Variants in MAK observed in about 807,000 individuals in gnomAD.
The protein encoded by MAK is serine/threonine-protein kinase MAK.
Under a neutral mutation model 82.6 loss-of-function variants are expected in MAK, and 65 were observed. The observed-to-expected ratio is 0.79, with a 90% CI of 0.64 to 0.97. The LOEUF is 0.97. Ranked by LOEUF, MAK falls within the 50% of genes least tolerant of loss-of-function variation. The pLI is 0.00. For missense variants in MAK, 703 were observed against 780.2 expected, an observed-to-expected ratio of 0.90 and a Z score of 1.18; for synonymous variants, 250 against 274.2, an observed-to-expected ratio of 0.91 and a Z score of 0.87.
At chr6:10,807,025 C>T (rs77462075) in intron 6 of MAK, among the ~76,000 whole-genome samples, 11,903 of 152,182 alleles carry the variant, frequency 0.078, 1,443 homozygotes, top group African/African-American at 0.26. Flanking sequence ...ACATTTCTCA[C>T]TACCTGCATG....
At chr6:10,830,446 G>T in intron 2 of MAK, 102 bp downstream of exon 2, 1 of 969,624 alleles carries the variant, frequency 1.0e-6, no homozygotes, top group Non-Finnish European at 1.7e-6. Flanking sequence ...TTACAGGCAT[G>T]AGCCACCGCG....
Position 10,770,161 on chromosome 6 carries a change from T to G in MAK, c.1742A>C (p.Gln581Pro). 1 of 1,614,182 alleles carries G rather than the reference T, an allele frequency of 6.2e-7. No individual in the cohort carries two copies. The highest frequency in any genetic ancestry group is 8.5e-7 in the Non-Finnish European group (1 of 1,180,014). The change falls in exon 14 of 15, where the codon CAG becomes CCG. Residue 581 changes from glutamine (Q) to proline (P), a missense_variant. Physicochemically the swap from Gln to Pro is moderately conservative, Grantham distance 76. Transcript: ENST00000354489. The stretch of plus-strand genomic sequence containing the variant: ...TAAGTGGATCCTCTGGCCAGCTGAC[T>G]GCACTTCTTTTTTGAGAAAGGAAGG... ...YIPSFLKKEV[Q>P]SAGQRIHLAP...
At chr6:10,831,248 A>T (rs1310497059) in intron 1 of MAK, among the ~76,000 whole-genome samples, 7 of 152,196 alleles carry the variant, frequency 4.6e-5, no homozygotes, top group Non-Finnish European at 8.8e-5. Context: ...ATATTGTTTA[A>T]AACTGTACTA....
chr6:10,817,704 T>A (rs1777598428), intron 4 of MAK, 146 bp downstream of exon 4: 3 of 593,778 alleles, frequency 5.1e-6, no homozygotes, highest in Admixed American at 3.5e-5. Flanking sequence ...GTGTTAAATG[T>A]TACCCTTTGA....
chr6:10,784,471 G>A lies in MAK; in HGVS notation c.1418C>T (p.Ala473Val). 1 of 1,614,166 alleles carries A rather than the reference G, an allele frequency of 6.2e-7. No individual in the cohort carries two copies. ...CAAGTAGTACTGTTTAGAGGTTGGA[G>A]CAGTTGACAATTCGGAATCAGATTT... ...SLKSDSELST[A>V]PTSKQYYLKQ... Residue 473 changes from alanine to valine, a missense_variant, in exon 11 of 15, where the codon GCT (alanine) becomes GTT (valine). By Grantham distance (64) the Ala-to-Val change is moderately conservative. Coordinates refer to ENST00000354489, the MANE Select transcript of MAK (RefSeq NM_001242957.3).
At position 10,830,651 on chromosome 6, in the gene MAK, T is replaced by C. The variant is rs1232045438; in HGVS notation, c.-3A>G. 6.2e-7 allele frequency: 1 copy of C among 1,609,766 alleles called. No homozygotes were observed. Among genetic ancestry groups the C allele is most frequent in the South Asian group, 1.1e-5 (1 of 90,986 alleles). On this transcript the variant is annotated 5_prime_UTR_variant, in exon 2 of 15. Coordinates refer to ENST00000354489, the MANE Select transcript of MAK (RefSeq NM_001242957.3). The stretch of plus-strand genomic sequence containing the variant: ...CTCATGGTTGTGTATCGGTTCATCT[T>C]GGAAAAATAATGCAGCAGAAGTTGT...
At chr6:10,805,073 G>A (rs866998360) in intron 6 of MAK, among the ~76,000 whole-genome samples, 4 of 5,282 alleles carry the variant, frequency 7.6e-4, no homozygotes, top group Middle Eastern at 0.12. Flanking sequence ...TGTGTGTCGG[G>A]GGGGGGGTGG....
chr6:10,796,805 CAAAAAA>C (rs70991046), intron 8 of MAK, among the ~76,000 whole-genome samples: 1 of 122,522 alleles, frequency 8.2e-6, no homozygotes. Flanking sequence ...GACTCCACCT[CAAAAAA>C]AAAAAAAAAA....
chr6:10,813,130 ATATAAATTTTTTTTT>A (rs1561987582), intron 5 of MAK, among the ~76,000 whole-genome samples: 9 of 770 alleles, frequency 0.012, no homozygotes, highest in African/African-American at 0.026. Context: ...ATATATATAT[ATATAAATTTTTTTTT>A]TTTTTTTTTT....
chr6:10,792,060 G>T (rs149321971), intron 9 of MAK, among the ~76,000 whole-genome samples: 40 of 152,326 alleles, frequency 2.6e-4, no homozygotes, highest in African/African-American at 7.2e-4. Context: ...AGATCTCTGT[G>T]AACTAGGTTG....
chr6:10,780,942 A>G (rs1251033513), intron 11 of MAK, among the ~76,000 whole-genome samples: 1 of 152,132 alleles, frequency 6.6e-6, no homozygotes, highest in Non-Finnish European at 1.5e-5. Flanking sequence ...AAAGATTACA[A>G]TAACAAGGAT....
At chr6:10,784,696 G>A in intron 10 of MAK, 124 bp from the exon 11 acceptor site, 2 of 811,326 alleles carry the variant, frequency 2.5e-6, no homozygotes, top group South Asian at 2.9e-5. Flanking sequence ...CACTTAAATG[G>A]TTTCCATCAG....
chr6:10,808,806 T>A lies in MAK; in HGVS notation c.491+4A>T, dbSNP rs762642156. The A allele has an allele frequency of 6.2e-7, 1 of 1,613,990 alleles. No individual in the cohort carries two copies. Among genetic ancestry groups the A allele is most frequent in the East Asian group, 2.2e-5 (1 of 44,862 alleles). On this transcript the variant is annotated splice_donor_region_variant and intron_variant, in intron 6 of 14. Transcript: ENST00000354489. ...CTCAGGAGGGCTGCATAACCCCTAC[T>A]CACCATCTGGTAGATACATAATCAG...
intron 2 of MAK, among the ~76,000 whole-genome samples, chr6:10,826,815 T>G (rs1334635763): frequency 2.0e-5 from 3 of 152,086 alleles, no homozygotes; most frequent in Non-Finnish European, 4.4e-5. Context: ...CTTTCCCAAT[T>G]AAAAGAGTAC....
chr6:10,816,167 G>A (rs1561992344), intron 4 of MAK, among the ~76,000 whole-genome samples: 1 of 151,604 alleles, frequency 6.6e-6, no homozygotes. Context: ...AACCTCCTGG[G>A]CTCAAGCAAT....
At chr6:10,807,750 C>G (rs148917380) in intron 6 of MAK, among the ~76,000 whole-genome samples, 16 of 152,110 alleles carry the variant, frequency 1.1e-4, no homozygotes, top group Middle Eastern at 3.4e-3. Context: ...CATCCACAGA[C>G]CCAGCACCCA....
rs1376903452 is a variant in MAK, at chr6:10,800,889, A to T, written c.831+1003T>A. On this transcript the variant is annotated intron_variant, in intron 8 of 14. Transcript: ENST00000354489. The surrounding 1 kb of genome is among the most constrained non-coding windows in gnomAD (Gnocchi z 4.2). ...CTTCTGTGAGTTGTAAAGTATGGTGAGCAGTAAGGACCTCAATTTATTTTT... is the reference window on the plus strand; with the variant it reads ...CTTCTGTGAGTTGTAAAGTATGGTGTGCAGTAAGGACCTCAATTTATTTTT... 1.3e-5 allele frequency among the ~76,000 whole-genome samples: 2 copies of T among 152,148 alleles called. No homozygotes were observed. Among genetic ancestry groups the T allele is most frequent in the African/African-American group, 4.8e-5 (2 of 41,410 alleles).
Position 10,775,311 on chromosome 6 carries a change from T to G in MAK, c.1597+17A>C. ...AAGGAAAACCCCGTACATGTACATT[T>G]TGTATTCTTGCGTTACCTGCATTGC... On this transcript the variant is annotated intron_variant, in intron 12 of 14. Coordinates refer to ENST00000354489, the MANE Select transcript of MAK (RefSeq NM_001242957.3). The G allele has an allele frequency of 6.2e-7, 1 of 1,611,526 alleles. No homozygotes were observed. Among genetic ancestry groups the G allele is most frequent in the Non-Finnish European group, 8.5e-7 (1 of 1,178,368 alleles).
intron 11 of MAK, among the ~76,000 whole-genome samples, chr6:10,779,748 T>G (rs939720798): frequency 3.3e-5 from 5 of 152,278 alleles, no homozygotes; most frequent in African/African-American, 9.6e-5. Context: ...GCAATGGCAC[T>G]ATCTTGGCTC....
Sources: allele counts gnomAD v4.1 joint callset (sites outside exome capture counted in the v4.1 genomes callset), GRCh38; gene constraint gnomAD v4.1.1; non-coding constraint Gnocchi (gnomAD v3.1); transcripts MANE v1.5; gene names NCBI Gene and HGNC (gene_info 2026-07-23, HGNC 2026-07-21).